Variants in PAMR1 observed in about 807,000 individuals in gnomAD.
PAMR1 encodes the protein peptidase domain containing associated with muscle regeneration 1, also known as inactive serine protease PAMR1.
PAMR1 carries 88 observed loss-of-function variants against 81.8 expected under a neutral mutation model. The observed-to-expected ratio is 1.08, with a 90% CI of 0.91 to 1.28. PAMR1 has a LOEUF of 1.28. PAMR1 is among the 50% of genes most tolerant of loss of function. PAMR1 has a pLI of 0.00. For missense variants in PAMR1, 935 were observed against 919.7 expected, an observed-to-expected ratio of 1.02 and a Z score of -0.21; for synonymous variants, 336 against 345.3, an observed-to-expected ratio of 0.97 and a Z score of 0.30.
upstream of PAMR1, chr11:35,528,978 G>C (rs1202312545): frequency 6.6e-6 from 1 of 152,180 alleles, no homozygotes; most frequent in African/African-American, 2.4e-5. Context: ...ATAATCCCAG[G>C]GCTGGAAGAG....
chr11:35,487,215 GAA>G (rs111704287), intron 3 of PAMR1, among the ~76,000 whole-genome samples: 5,691 of 130,158 alleles, frequency 0.044, 274 homozygotes, highest in East Asian at 0.22. Context: ...TAGTTACCCA[GAA>G]AAAAAAAAAA....
chr11:35,491,728 A>C (rs899684719), intron 3 of PAMR1, among the ~76,000 whole-genome samples: 1 of 152,188 alleles, frequency 6.6e-6, no homozygotes, highest in African/African-American at 2.4e-5. Context: ...ATTTCTGAAG[A>C]CTTATTCACT....
intron 6 of PAMR1, among the ~76,000 whole-genome samples, chr11:35,448,959 G>A (rs900243234): frequency 2.0e-5 from 3 of 152,178 alleles, no homozygotes; most frequent in Admixed American, 6.5e-5. Context: ...CCCACACCTG[G>A]AGATATCACC....
intron 1 of PAMR1, among the ~76,000 whole-genome samples, chr11:35,524,949 C>T (rs773149501): frequency 6.6e-6 from 1 of 152,210 alleles, no homozygotes. Context: ...TCACTCTCAT[C>T]AGAAAGGAAG....
chr11:35,519,094 C>G (rs1266607114), intron 1 of PAMR1, among the ~76,000 whole-genome samples: 1 of 152,120 alleles, frequency 6.6e-6, no homozygotes, highest in African/African-American at 2.4e-5. Flanking sequence ...TATCCAACAC[C>G]AGAGAGAGAA....
chr11:35,507,405 T>C (rs1053530618), intron 1 of PAMR1, among the ~76,000 whole-genome samples: 1 of 122,880 alleles, frequency 8.1e-6, no homozygotes, highest in Non-Finnish European at 1.7e-5. Flanking sequence ...ATTCTGCTGT[T>C]GAAAGCCTCA....
chr11:35,504,909 G>GATT (rs35554399), intron 1 of PAMR1, among the ~76,000 whole-genome samples: 1 of 151,144 alleles, frequency 6.6e-6, no homozygotes, highest in South Asian at 2.1e-4. Context: ...CTTACTTTGG[G>GATT]TTTTTTTGTT....
At chr11:35,528,875 G>A (rs1448669666), upstream of PAMR1, 1 of 152,212 alleles carries the variant, frequency 6.6e-6, no homozygotes, top group African/African-American at 2.4e-5. Flanking sequence ...GACCTGGAAA[G>A]AAACTCTCAA....
intron 1 of PAMR1, among the ~76,000 whole-genome samples, chr11:35,500,429 A>G (rs1339840080): frequency 6.6e-6 from 1 of 152,220 alleles, no homozygotes; most frequent in African/African-American, 2.4e-5. Context: ...ATACAATAGA[A>G]AAAAAATAGA....
chr11:35,449,340 CAGG>C (rs1484557864), intron 6 of PAMR1, among the ~76,000 whole-genome samples: 1 of 152,116 alleles, frequency 6.6e-6, no homozygotes, highest in Non-Finnish European at 1.5e-5. Context: ...GTGTGTTGAA[CAGG>C]AGATCATGAC....
upstream of PAMR1, among the ~76,000 whole-genome samples, chr11:35,526,741 G>T (rs138039587): frequency 3.9e-5 from 6 of 152,278 alleles, no homozygotes; most frequent in East Asian, 3.9e-4. Flanking sequence ...ATGCAGAATT[G>T]TATTTCACCA....
chr11:35,435,950 C>T lies in PAMR1; in HGVS notation c.1286G>A (p.Cys429Tyr). ...CCCACTCCACTTCCCAGTCCTCAGA[C>T]ATGTCCTCCTGCTGCTGCCCAGGCG... Reference protein sequence around the residue: ...YRRLGSSRRTCLRTGKWSGRA... With the variant: ...YRRLGSSRRTYLRTGKWSGRA... The change falls in exon 9 of 11, where the codon TGT becomes TAT. Residue 429 changes from cysteine to tyrosine, a missense_variant. Coordinates refer to ENST00000619888, the MANE Select transcript of PAMR1 (RefSeq NM_001001991.3). 1 of 1,614,218 alleles carries T rather than the reference C, an allele frequency of 6.2e-7. No homozygotes were observed. The highest frequency in any genetic ancestry group is 8.5e-7 in the Non-Finnish European group (1 of 1,180,048).
Position 35,436,243 on chromosome 11 carries a change from G to GA in PAMR1, c.1101-109dup, listed in dbSNP as rs982289868. 2.9e-4 allele frequency: 206 copies of GA among 711,688 alleles called. No homozygotes were observed. The Middle Eastern group carries it at 3.6e-3, about 12-fold the overall frequency. 44.1% of individuals were successfully genotyped at this position (711,688 alleles called of 1,614,324 possible). A position where few individuals can be genotyped will look rare whatever the true frequency, so the allele number is the denominator to read the frequency against. ...ATGTAGATATTTGTTTACAGAAACA[G>GA]AAAAAATCTCTGTCTCTGTCTCTCT... On this transcript the variant is annotated intron_variant, in intron 8 of 10. Transcript: ENST00000619888.
At chr11:35,473,300 C>A (rs1403764819) in intron 4 of PAMR1, among the ~76,000 whole-genome samples, 2 of 152,150 alleles carry the variant, frequency 1.3e-5, no homozygotes, top group Admixed American at 6.5e-5. Flanking sequence ...CTCCCTAAGG[C>A]CCTTTCCTGG....
At chr11:35,517,657 T>C (rs1359623367) in intron 1 of PAMR1, among the ~76,000 whole-genome samples, 1 of 152,260 alleles carries the variant, frequency 6.6e-6, no homozygotes, top group Non-Finnish European at 1.5e-5. Context: ...TATTTCATCA[T>C]AACATCCTGG....
At position 35,432,510 on chromosome 11, in the gene PAMR1, G is replaced by A; in HGVS notation, c.2009C>T (p.Ala670Val). Residue 670 changes from alanine to valine, a missense_variant, in exon 11 of 11, where the codon GCT becomes GTT. By Grantham distance (64) the Ala-to-Val change is moderately conservative. Transcript: ENST00000619888. ...ICTAETGGIA[A>V]VSFPGRASPE... ...AGATGCTCGTCCCGGGAAGGACACA[G>A]CCGCGATGCCTCCTGTCTCTGCAGT... is the stretch of plus-strand genomic sequence containing the variant. 6.2e-7 allele frequency: 1 copy of A among 1,614,252 alleles called. No individual in the cohort carries two copies. The highest frequency in any genetic ancestry group is 8.5e-7 in the Non-Finnish European group (1 of 1,180,050).
At chr11:35,464,493 C>CATCACTGGCCTCTACCCACT (rs1430501482) in intron 6 of PAMR1, among the ~76,000 whole-genome samples, 1 of 152,192 alleles carries the variant, frequency 6.6e-6, no homozygotes, top group Non-Finnish European at 1.5e-5. Flanking sequence ...TGTTTAGCAG[C>CATCACTGGCCTCTACCCACT]ATCACTGGCC....
At position 35,474,724 on chromosome 11, in the gene PAMR1, C is replaced by A. The variant is rs140553636; in HGVS notation, c.400G>T (p.Ala134Ser). The change falls in exon 4 of 11, where the codon GCC becomes TCC. Residue 134 changes from alanine to serine, a missense_variant. Transcript: ENST00000619888. ...DCMRCGQVLR[A>S]PKGQILLESY... Reference sequence around the variant, plus strand: ...TCCAACAAAATCTGACCCTTTGGGGCTCGCAGAACCTGGCCACATCCTAAG... The same window carrying A: ...TCCAACAAAATCTGACCCTTTGGGGATCGCAGAACCTGGCCACATCCTAAG... 1.4e-5 allele frequency: 23 copies of A among 1,609,510 alleles called. No homozygotes were observed. The highest frequency in any genetic ancestry group is 1.9e-5 in the Non-Finnish European group (22 of 1,177,964).
In PAMR1 at chr11:35,476,246, C is replaced by T. The variant is rs1850283163; in HGVS notation, c.380-1502G>A. Among the ~76,000 whole-genome samples the T allele has an allele frequency of 2.6e-5, 4 of 152,214 alleles. No homozygotes were observed. The South Asian group carries it at 8.3e-4, about 32-fold the overall frequency. On this transcript the variant is annotated intron_variant, in intron 3 of 10. Transcript: ENST00000619888. ...TCTAGCCCCAGCCTCCATCATCTCT[C>T]TCTGTAATCTCATCTCCTCCTTCAT...
Sources: allele counts gnomAD v4.1 joint callset (sites outside exome capture counted in the v4.1 genomes callset), GRCh38; gene constraint gnomAD v4.1.1; transcripts MANE v1.5; gene names NCBI Gene and HGNC (gene_info 2026-07-23, HGNC 2026-07-21).